NEK6: variants seen among roughly 807,000 people sequenced by gnomAD.
NEK6 encodes the protein serine/threonine-protein kinase Nek6.
Under a neutral mutation model 43.5 loss-of-function variants are expected in NEK6, and 27 were observed. That is an observed-to-expected ratio of 0.62 (90% CI 0.46 to 0.86). The LOEUF (loss-of-function observed/expected upper bound fraction) is 0.86. NEK6 is among the 40% of genes least tolerant of loss of function. NEK6 has a pLI of 0.00. For synonymous variants in NEK6, 167 were observed against 164.1 expected, an observed-to-expected ratio of 1.02 and a Z score of -0.14; for missense variants, 318 against 414.4, an observed-to-expected ratio of 0.77 and a Z score of 2.02.
At chr9:124,297,459 A>C (rs2119101910) in intron 1 of NEK6, among the ~76,000 whole-genome samples, 1 of 152,296 alleles carries the variant, frequency 6.6e-6, no homozygotes, top group East Asian at 1.9e-4. Flanking sequence ...CCTGCAGTCC[A>C]GCTCCCCGCC....
chr9:124,291,939 G>T (rs1258920232), intron 1 of NEK6: 3 of 985,690 alleles, frequency 3.0e-6, no homozygotes, highest in Non-Finnish European at 3.6e-6. Context: ...GGAAGGGGAA[G>T]TCCCATGCGG....
chr9:124,286,706 C>T (rs2119019366), intron 1 of NEK6, among the ~76,000 whole-genome samples: 1 of 152,348 alleles, frequency 6.6e-6, no homozygotes, highest in East Asian at 1.9e-4. Context: ...TGTGTCCCAT[C>T]TGCAGGCCCC....
At chr9:124,279,686 G>C (rs1831810100) in intron 1 of NEK6, among the ~76,000 whole-genome samples, 1 of 152,194 alleles carries the variant, frequency 6.6e-6, no homozygotes, top group Non-Finnish European at 1.5e-5. Flanking sequence ...TGCTGATTAT[G>C]TGCCAAGGAA....
intron 2 of NEK6, among the ~76,000 whole-genome samples, chr9:124,311,659 A>G (rs539572095): frequency 6.6e-6 from 1 of 152,304 alleles, no homozygotes; most frequent in South Asian, 2.1e-4. Flanking sequence ...TAAAAAAGGC[A>G]GTTTATCTAA....
At chr9:124,258,476 G>A (rs879719345) in intron 1 of NEK6, 1 of 389,426 alleles carries the variant, frequency 2.6e-6, no homozygotes, top group Non-Finnish European at 3.5e-6. Flanking sequence ...CTCAGGGAGT[G>A]TGTGTGTGCA....
intron 1 of NEK6, chr9:124,292,288 C>T: frequency 7.5e-7 from 1 of 1,336,626 alleles, no homozygotes. Flanking sequence ...ACCAACCTGA[C>T]AGGACCTTTG....
chr9:124,307,381 G>A (rs1173669376), intron 2 of NEK6, among the ~76,000 whole-genome samples: 2 of 152,126 alleles, frequency 1.3e-5, no homozygotes, highest in Non-Finnish European at 2.9e-5. Flanking sequence ...GGTGGGATTG[G>A]GATGGCGGTG....
chr9:124,336,879 C>T (rs1385978393), intron 7 of NEK6, among the ~76,000 whole-genome samples: 1 of 151,910 alleles, frequency 6.6e-6, no homozygotes, highest in African/African-American at 2.4e-5. Context: ...CATGATGGCA[C>T]GTGCCTGTAA....
chr9:124,326,507 T>A lies in NEK6; in HGVS notation c.514+69T>A. ...CAGGAAGACACTTCCTCATGGCTCC[T>A]CCAGGGTCCTCAGGGGCAGCCCCTT... On this transcript the variant is annotated intron_variant, in intron 6 of 9. Transcript: ENST00000320246. This position sits in a 1 kb window ranked among gnomAD's most constrained non-coding sequence, Gnocchi z 4.5. 8.6e-7 allele frequency: 1 copy of A among 1,156,414 alleles called. No individual in the cohort carries two copies. The allele number at this position is 1,156,414 out of a possible 1,614,324, so 71.6% of individuals were successfully genotyped here. A position where few individuals can be genotyped will look rare whatever the true frequency, so the allele number is the denominator to read the frequency against.
chr9:124,257,953 T>TGGC lies in NEK6; in HGVS notation c.-150_-148dup, dbSNP rs1055421358. 8.5e-5 allele frequency: 83 copies of TGGC among 974,566 alleles called. No individual in the cohort carries two copies. The highest frequency in any genetic ancestry group is 5.3e-4 in the Middle Eastern group (1 of 1,896). 60.4% of individuals were successfully genotyped at this position (974,566 alleles called of 1,614,324 possible). A position where few individuals can be genotyped will look rare whatever the true frequency, so the allele number is the denominator to read the frequency against. On this transcript the variant is annotated 5_prime_UTR_variant, in exon 1 of 10. Transcript: ENST00000320246. ...CGGGCGCGCGGGCCCGCGCAGGCGG[T>TGGC]GGCGGCGGCGGCGGAACCGAGCTGA...
intron 5 of NEK6, among the ~76,000 whole-genome samples, chr9:124,322,962 G>C (rs1244777554): frequency 1.3e-5 from 2 of 152,226 alleles, no homozygotes; most frequent in African/African-American, 2.4e-5. Flanking sequence ...CAGATCCCTG[G>C]TGGGAACAGA....
At chr9:124,342,825 C>CACACACACAGCATATGA (rs146348699) in intron 8 of NEK6, among the ~76,000 whole-genome samples, 10,629 of 152,146 alleles carry the variant, frequency 0.07, 959 homozygotes, top group East Asian at 0.45. Flanking sequence ...CACACATAAA[C>CACACACACAGCATATGA]ACACACACAG....
chr9:124,321,110 G>A (rs181555763), intron 4 of NEK6, among the ~76,000 whole-genome samples: 22 of 152,310 alleles, frequency 1.4e-4, no homozygotes, highest in African/African-American at 5.3e-4. Context: ...GAGGAGGAGG[G>A]GGAGGGTCCT....
intron 1 of NEK6, among the ~76,000 whole-genome samples, chr9:124,274,793 C>T (rs1028862115): frequency 3.3e-5 from 5 of 152,092 alleles, no homozygotes; most frequent in Admixed American, 6.5e-5. Flanking sequence ...ACCGGTCTGA[C>T]GCACTGTGCT....
chr9:124,263,772 A>G (rs1440312545), intron 1 of NEK6, among the ~76,000 whole-genome samples: 3 of 152,214 alleles, frequency 2.0e-5, no homozygotes, highest in Admixed American at 1.3e-4. Context: ...GGAAGGAGAC[A>G]GCGCAGTTTG....
chr9:124,263,974 T>C (rs1286774348), intron 1 of NEK6, among the ~76,000 whole-genome samples: 2 of 152,208 alleles, frequency 1.3e-5, no homozygotes, highest in Non-Finnish European at 2.9e-5. Context: ...GGCAGATGTT[T>C]TGTTAATTAT....
At chr9:124,306,207 G>A (rs1173638427) in intron 2 of NEK6, among the ~76,000 whole-genome samples, 1 of 152,064 alleles carries the variant, frequency 6.6e-6, no homozygotes, top group East Asian at 1.9e-4. Context: ...GAGGGAGAGG[G>A]GTTGTCAGGA....
At chr9:124,319,798 T>C (rs189884607) in intron 4 of NEK6, among the ~76,000 whole-genome samples, 31 of 152,386 alleles carry the variant, frequency 2.0e-4, no homozygotes, top group Non-Finnish European at 3.1e-4. Flanking sequence ...CATTGGTCTA[T>C]GTATCTATTT....
intron 1 of NEK6, among the ~76,000 whole-genome samples, chr9:124,283,687 C>T (rs1024376996): frequency 6.6e-6 from 1 of 152,236 alleles, no homozygotes; most frequent in Admixed American, 6.5e-5. Flanking sequence ...TCATTTCGGC[C>T]TCTATCCCAC....
Sources: allele counts gnomAD v4.1 joint callset (sites outside exome capture counted in the v4.1 genomes callset), GRCh38; gene constraint gnomAD v4.1.1; non-coding constraint Gnocchi (gnomAD v3.1); transcripts MANE v1.5; gene names NCBI Gene and HGNC (gene_info 2026-07-23, HGNC 2026-07-21).